GPC5: variants seen among roughly 807,000 people sequenced by gnomAD.
GPC5 encodes glypican-5.
A neutral mutation model predicts 53.9 loss-of-function variants in GPC5; 47 were observed. The ratio of observed to expected loss-of-function variants is 0.87; its 90% CI spans 0.69 to 1.11. The LOEUF is 1.11. Among genes scored for constraint, GPC5 ranks in the 50% most tolerant of loss-of-function variants. The pLI is 0.00. For missense variants in GPC5, 748 were observed against 713.1 expected, an observed-to-expected ratio of 1.05 and a Z score of -0.56; for synonymous variants, 286 against 263.3, an observed-to-expected ratio of 1.09 and a Z score of -0.84.
chr13:91,741,239 A>G (rs895120462), intron 4 of GPC5, among the ~76,000 whole-genome samples: 1 of 152,200 alleles, frequency 6.6e-6, no homozygotes, highest in Non-Finnish European at 1.5e-5. Context: ...TGTCTTCAGA[A>G]CTTAATTGAA....
At chr13:91,688,500 C>T (rs2035670880) in intron 2 of GPC5, among the ~76,000 whole-genome samples, 1 of 151,902 alleles carries the variant, frequency 6.6e-6, no homozygotes, top group Non-Finnish European at 1.5e-5. Flanking sequence ...TGAAAGTCCC[C>T]CAATTTTTTG....
rs534744016 is a variant in GPC5, at chr13:91,649,020, C to G, written c.326-44167C>G. Among the ~76,000 whole-genome samples the G allele has an allele frequency of 2.6e-5, 4 of 152,190 alleles. No homozygotes were observed. In the South Asian group the frequency reaches 8.3e-4, roughly 32 times the overall value. On this transcript the variant is annotated intron_variant, in intron 2 of 7. Transcript: ENST00000377067. ...ATAATGGGAGCGGTTACCCCCATGC[C>G]GCTGTTCTCATGGTAGTGAGTGAGT...
intron 5 of GPC5, among the ~76,000 whole-genome samples, chr13:91,851,021 C>T (rs1008971701): frequency 6.6e-6 from 1 of 151,980 alleles, no homozygotes; most frequent in Non-Finnish European, 1.5e-5. Flanking sequence ...AGTATGTAAA[C>T]AAGATGCAAT....
chr13:91,592,641 G>A (rs2032843758), intron 2 of GPC5, among the ~76,000 whole-genome samples: 2 of 152,216 alleles, frequency 1.3e-5, no homozygotes, highest in South Asian at 4.1e-4. Context: ...CTCCTTAGCT[G>A]TGTGCTCCAG....
At chr13:92,684,925 G>A (rs1038546422) in intron 7 of GPC5, among the ~76,000 whole-genome samples, 1 of 152,068 alleles carries the variant, frequency 6.6e-6, no homozygotes, top group African/African-American at 2.4e-5. Context: ...TTTGGATTTT[G>A]GCCATTATAA....
intron 7 of GPC5, among the ~76,000 whole-genome samples, chr13:92,412,827 T>G (rs1437834464): frequency 6.6e-6 from 1 of 152,192 alleles, no homozygotes; most frequent in Non-Finnish European, 1.5e-5. Flanking sequence ...TACATTAATA[T>G]CTAGATCTCA....
At chr13:91,584,891 C>T (rs1391017634) in intron 2 of GPC5, among the ~76,000 whole-genome samples, 3 of 152,092 alleles carry the variant, frequency 2.0e-5, no homozygotes, top group African/African-American at 4.8e-5. Context: ...AAACTAAGAA[C>T]TTTTGTTGAT....
intron 5 of GPC5, among the ~76,000 whole-genome samples, chr13:91,777,763 C>T (rs957902905): frequency 2.6e-5 from 4 of 152,008 alleles, no homozygotes; most frequent in Non-Finnish European, 5.9e-5. Context: ...ACACTTCTTG[C>T]TATTTTCTTT....
chr13:91,973,776 A>G (rs2040268310), intron 6 of GPC5, among the ~76,000 whole-genome samples: 1 of 152,148 alleles, frequency 6.6e-6, no homozygotes, highest in African/African-American at 2.4e-5. Context: ...TGGCTGCAGA[A>G]CAGCGGTGGC....
At chr13:91,498,428 C>A (rs757564347) in intron 2 of GPC5, among the ~76,000 whole-genome samples, 1 of 151,820 alleles carries the variant, frequency 6.6e-6, no homozygotes, top group Admixed American at 6.6e-5. Context: ...ACTGGTTGAG[C>A]AGGGATTTGA....
chr13:91,453,154 C>A (rs555617062), intron 2 of GPC5, among the ~76,000 whole-genome samples: 2 of 151,856 alleles, frequency 1.3e-5, no homozygotes, highest in South Asian at 4.2e-4. Context: ...ATTGGCAAGC[C>A]TGTCCTCTGG....
In GPC5 at chr13:91,679,204, A is replaced by C. The variant is rs143802825; in HGVS notation, c.326-13983A>C. Among the ~76,000 whole-genome samples the C allele has an allele frequency of 4.6e-5, 7 of 151,850 alleles. No homozygotes were observed. The East Asian group carries it at 1.2e-3, about 25-fold the overall frequency. On this transcript the variant is annotated intron_variant, in intron 2 of 7. Transcript: ENST00000377067. Reference sequence around the variant, plus strand: ...TTATTTATTTATTTATTATACTTTAAGTTCTGAGGTACATGTGCAGAACAT... The same window carrying C: ...TTATTTATTTATTTATTATACTTTACGTTCTGAGGTACATGTGCAGAACAT...
chr13:92,822,292 T>A (rs368752043), intron 7 of GPC5, among the ~76,000 whole-genome samples: 1 of 152,126 alleles, frequency 6.6e-6, no homozygotes, highest in Non-Finnish European at 1.5e-5. Flanking sequence ...GAAATATTTA[T>A]CTAGCCCTGA....
intron 7 of GPC5, among the ~76,000 whole-genome samples, chr13:92,292,211 T>C (rs187622298): frequency 1.3e-5 from 2 of 152,336 alleles, no homozygotes; most frequent in Non-Finnish European, 2.9e-5. Flanking sequence ...AGTAGTGGGA[T>C]TGCTGGATCA....
At position 92,009,222 on chromosome 13, in the gene GPC5, A is replaced by AT. The variant is rs1026422220; in HGVS notation, c.1401+101174dup. 4.9e-4 allele frequency among the ~76,000 whole-genome samples: 59 copies of AT among 120,408 alleles called. 1 individual carries two copies. Among genetic ancestry groups the AT allele is most frequent in the African/African-American group, 1.5e-3 (51 of 33,168 alleles). The allele number at this position is 120,408 out of a possible 152,430, so 79.0% of individuals were successfully genotyped here. On this transcript the variant is annotated intron_variant, in intron 6 of 7. Transcript: ENST00000377067. ...AATAATTTTGTATTTGATGCTCATTATTTTTTTTTATCTGTTGAGTGCTGG... is the reference window on the plus strand; with the variant it reads ...AATAATTTTGTATTTGATGCTCATTATTTTTTTTTTATCTGTTGAGTGCTGG...
chr13:92,143,581 T>G (rs1264207656), intron 6 of GPC5, among the ~76,000 whole-genome samples: 1 of 152,142 alleles, frequency 6.6e-6, no homozygotes, highest in African/African-American at 2.4e-5. Flanking sequence ...GTTTGCAAAA[T>G]GCTGATAAAA....
At chr13:92,049,856 A>G (rs942083557) in intron 6 of GPC5, among the ~76,000 whole-genome samples, 2 of 152,034 alleles carry the variant, frequency 1.3e-5, no homozygotes, top group African/African-American at 4.8e-5. Flanking sequence ...TCTAAAAATG[A>G]GATTTTTTTT....
intron 7 of GPC5, among the ~76,000 whole-genome samples, chr13:92,704,308 C>G (rs1230193716): frequency 1.3e-5 from 2 of 152,020 alleles, no homozygotes; most frequent in African/African-American, 4.8e-5. Flanking sequence ...GCTGCTTAGA[C>G]CACTGTGAAT....
intron 2 of GPC5, among the ~76,000 whole-genome samples, chr13:91,615,628 A>G (rs576570549): frequency 2.6e-5 from 4 of 152,252 alleles, no homozygotes; most frequent in Non-Finnish European, 5.9e-5. Context: ...CACAGTGGTA[A>G]TATGTGATAG....
Sources: allele counts gnomAD v4.1 joint callset (sites outside exome capture counted in the v4.1 genomes callset), GRCh38; gene constraint gnomAD v4.1.1; transcripts MANE v1.5; gene names NCBI Gene and HGNC (gene_info 2026-07-23, HGNC 2026-07-21).